The following CLPX variants were observed in gnomAD, a reference collection of about 807,000 sequenced individuals.
The protein encoded by CLPX is caseinolytic mitochondrial matrix peptidase chaperone subunit X.
CLPX carries 34 observed loss-of-function variants against 76.4 expected under a neutral mutation model. The observed-to-expected ratio is 0.45, with a 90% CI of 0.34 to 0.59. The LOEUF is 0.59. Ranked by LOEUF, CLPX falls within the 20% of genes least tolerant of loss-of-function variation. The pLI, the probability that CLPX is intolerant of heterozygous loss-of-function variation, is 0.01. For synonymous variants in CLPX, 248 were observed against 270.9 expected, an observed-to-expected ratio of 0.92 and a Z score of 0.83; for missense variants, 613 against 757.0, an observed-to-expected ratio of 0.81 and a Z score of 2.23.
chr15:65,151,906 C>G (rs1031430186), intron 13 of CLPX, among the ~76,000 whole-genome samples: 1 of 152,058 alleles, frequency 6.6e-6, no homozygotes, highest in Admixed American at 6.6e-5. Flanking sequence ...CTGTAGCTTG[C>G]TAGCCAAATC....
chr15:65,153,116 T>C (rs1435324167), intron 12 of CLPX, among the ~76,000 whole-genome samples: 1 of 151,814 alleles, frequency 6.6e-6, no homozygotes, highest in African/African-American at 2.4e-5. Flanking sequence ...AAGTTCCTTT[T>C]TGAGAAAAAG....
At chr15:65,153,383 G>A (rs1353694618) in intron 12 of CLPX, among the ~76,000 whole-genome samples, 164 bp downstream of exon 12, 1 of 152,148 alleles carries the variant, frequency 6.6e-6, no homozygotes, top group Non-Finnish European at 1.5e-5. Flanking sequence ...CTCAGCCTGG[G>A]AGGTGGAGAT....
intron 3 of CLPX, among the ~76,000 whole-genome samples, chr15:65,172,190 C>G (rs1215590522): frequency 6.6e-6 from 1 of 152,056 alleles, no homozygotes; most frequent in Non-Finnish European, 1.5e-5. Context: ...CTCAAACTCC[C>G]AACCTCAGGT....
chr15:65,172,216 G>A (rs1273387771), intron 3 of CLPX, among the ~76,000 whole-genome samples: 1 of 152,132 alleles, frequency 6.6e-6, no homozygotes, highest in Non-Finnish European at 1.5e-5. Flanking sequence ...ACCCGCCTTG[G>A]CCTTCCAAAC....
At chr15:65,175,490 C>G (rs571070772) in intron 3 of CLPX, among the ~76,000 whole-genome samples, 20 of 152,252 alleles carry the variant, frequency 1.3e-4, no homozygotes, top group African/African-American at 4.6e-4. Context: ...CAGTGAAACT[C>G]TGCCTCAGAA....
At chr15:65,169,615 C>T (rs1346230028) in intron 3 of CLPX, among the ~76,000 whole-genome samples, 2 of 152,078 alleles carry the variant, frequency 1.3e-5, no homozygotes, top group Non-Finnish European at 2.9e-5. Context: ...ACTCAGCAGG[C>T]TGAGGCAGGA....
In CLPX at chr15:65,162,311, T is replaced by C. The variant is rs188566442; in HGVS notation, c.715+293A>G. ...TTTCTGGCAAAGAGTAGCTAGAAAA[T>C]AATCTGCCTCCCCCAAATTCCTGTG... On this transcript the variant is annotated intron_variant, in intron 6 of 13. Coordinates refer to ENST00000300107, the MANE Select transcript of CLPX (RefSeq NM_006660.5). Among the ~76,000 whole-genome samples, 9 of 152,142 alleles carry C rather than the reference T, an allele frequency of 5.9e-5. 1 individual carries two copies. The highest frequency in any genetic ancestry group is 3.3e-4 in the Admixed American group (5 of 15,276).
Position 65,158,587 on chromosome 15 carries a change from G to C in CLPX, c.880C>G (p.Pro294Ala), listed in dbSNP as rs976241733. ...GCAAGTTATTTACCTGACCCAGTTG[G>C]TCCAAGCAGCAAAATATTACTTTTT... ...LEKSNILLLG[P>A]TGSGKTLLAQ... is the part of the protein sequence containing the mutation. Residue 294 changes from proline (P) to alanine (A), a missense_variant, in exon 7 of 14, where the codon CCA becomes GCA. This residue lies in a region of CLPX where 450 missense variants were observed against 638.6 expected (regional missense o/e 0.70). Coordinates refer to ENST00000300107, the MANE Select transcript of CLPX (RefSeq NM_006660.5). The C allele has an allele frequency of 1.2e-6, 2 of 1,611,042 alleles. No individual in the cohort carries two copies. The highest frequency in any genetic ancestry group is 1.7e-6 in the Non-Finnish European group (2 of 1,178,926).
intron 6 of CLPX, among the ~76,000 whole-genome samples, chr15:65,159,623 TAAAATAAAATA>T: frequency 6.6e-6 from 1 of 151,774 alleles, no homozygotes; most frequent in South Asian, 2.1e-4. Flanking sequence ...AAAATAAAAT[TAAAATAAAATA>T]AAACAAAACA....
At chr15:65,168,748 T>G (rs539943210) in intron 3 of CLPX, among the ~76,000 whole-genome samples, 7 of 147,296 alleles carry the variant, frequency 4.8e-5, no homozygotes, top group African/African-American at 1.7e-4. Context: ...AAAGTATAAT[T>G]AAAAAAAAAA....
intron 11 of CLPX, 87 bp from the exon 12 acceptor site, chr15:65,153,726 C>G (rs145108075): frequency 1.4e-6 from 1 of 729,874 alleles, no homozygotes; most frequent in Non-Finnish European, 2.2e-6. Context: ...CACAATTTCT[C>G]ATGGTGTTTT....
intron 5 of CLPX, among the ~76,000 whole-genome samples, chr15:65,162,888 A>AT (rs1207030944): frequency 1.3e-5 from 2 of 152,250 alleles, no homozygotes; most frequent in Non-Finnish European, 2.9e-5. Context: ...GTATAATAAC[A>AT]TAAGTCTTTA....
rs112510802 is a variant in CLPX, at chr15:65,179,210, A to T, written c.241-159T>A. 6.6e-4 allele frequency among the ~76,000 whole-genome samples: 101 copies of T among 152,362 alleles called. 1 individual carries two copies. The highest frequency in any genetic ancestry group is 2.2e-3 in the African/African-American group (93 of 41,584). ...TTATAATTCTATTACTGGTGTCAGA[A>T]GATCTATTTACTTCAAAAATCAAAT... On this transcript the variant is annotated intron_variant, in intron 2 of 13. Transcript: ENST00000300107.
At chr15:65,158,855 T>A (rs2087821114) in intron 6 of CLPX, 104 bp from the exon 7 acceptor site, 3 of 955,644 alleles carry the variant, frequency 3.1e-6, no homozygotes, top group African/African-American at 3.3e-5. Context: ...CATAGAAAAA[T>A]TTAAGTATTT....
chr15:65,167,638 G>A (rs2087934014), intron 3 of CLPX, among the ~76,000 whole-genome samples: 1 of 151,630 alleles, frequency 6.6e-6, no homozygotes, highest in Non-Finnish European at 1.5e-5. Context: ...CACTTTGGGA[G>A]ACTGAGGCAG....
chr15:65,169,360 G>C (rs1027929849), intron 3 of CLPX, among the ~76,000 whole-genome samples: 1 of 152,094 alleles, frequency 6.6e-6, no homozygotes, highest in Admixed American at 6.6e-5. Context: ...CTTGGCCTCC[G>C]AAAGTGCTTG....
chr15:65,151,356 A>G (rs1438859135), intron 13 of CLPX, among the ~76,000 whole-genome samples: 2 of 150,758 alleles, frequency 1.3e-5, no homozygotes, highest in Non-Finnish European at 3.0e-5. Context: ...AAAAAAAAAA[A>G]AAAAAAAAAA....
intron 6 of CLPX, among the ~76,000 whole-genome samples, chr15:65,161,652 A>AT (rs1251517042): frequency 1.2e-4 from 18 of 152,170 alleles, no homozygotes; most frequent in Admixed American, 1.2e-3. Flanking sequence ...TGTCAACACA[A>AT]TTTATGAGTA....
chr15:65,155,231 T>G (rs2087772771), intron 10 of CLPX, 150 bp from the exon 11 acceptor site: 1 of 801,074 alleles, frequency 1.2e-6, no homozygotes, highest in Non-Finnish European at 1.9e-6. Context: ...AAAACAGGCT[T>G]AGAGAGTTTA....
Sources: allele counts gnomAD v4.1 joint callset (sites outside exome capture counted in the v4.1 genomes callset), GRCh38; gene constraint gnomAD v4.1.1; regional missense constraint gnomAD v4.1.1; transcripts MANE v1.5; gene names NCBI Gene and HGNC (gene_info 2026-07-23, HGNC 2026-07-21).